The following DGKB variants were observed in gnomAD, a reference collection of about 807,000 sequenced individuals.
The protein encoded by DGKB is diacylglycerol kinase beta.
In DGKB, 67 loss-of-function variants were observed where a neutral mutation model predicts 114.3. That is an observed-to-expected ratio of 0.59 (90% CI 0.48 to 0.72). The LOEUF (loss-of-function observed/expected upper bound fraction) is 0.72. DGKB is among the 30% of genes least tolerant of loss of function. The pLI is 0.00. For missense variants in DGKB, 907 were observed against 975.2 expected, an observed-to-expected ratio of 0.93 and a Z score of 0.93; for synonymous variants, 398 against 323.1, an observed-to-expected ratio of 1.23 and a Z score of -2.49.
intron 2 of DGKB, among the ~76,000 whole-genome samples, chr7:14,767,717 T>A (rs572773551): frequency 1.6e-4 from 25 of 152,104 alleles, no homozygotes; most frequent in African/African-American, 5.8e-4. Context: ...TTGTGGGCAA[T>A]AGAATTAAAT....
intron 13 of DGKB, among the ~76,000 whole-genome samples, chr7:14,647,702 C>T (rs1017749111): frequency 7.9e-5 from 12 of 152,234 alleles, no homozygotes; most frequent in African/African-American, 1.9e-4. Flanking sequence ...ACGCAGAAGA[C>T]GGGTGATTTC....
chr7:14,309,090 C>G (rs1804946056), intron 23 of DGKB, among the ~76,000 whole-genome samples: 1 of 152,034 alleles, frequency 6.6e-6, no homozygotes, highest in Non-Finnish European at 1.5e-5. Flanking sequence ...ATGGTGCTTG[C>G]CTGTAGTCCC....
chr7:14,865,979 C>A (rs1428613988), intron 1 of DGKB, among the ~76,000 whole-genome samples: 1 of 151,948 alleles, frequency 6.6e-6, no homozygotes, highest in Non-Finnish European at 1.5e-5. Flanking sequence ...ACCAAAGACA[C>A]AGAGATGAAT....
chr7:14,944,928 A>G (rs2128256722), intron 1 of DGKB, among the ~76,000 whole-genome samples: 1 of 151,946 alleles, frequency 6.6e-6, no homozygotes, highest in South Asian at 2.1e-4. Context: ...TCTGGCGATA[A>G]TCATACCATA....
chr7:14,468,852 G>A (rs1780866049), intron 21 of DGKB, among the ~76,000 whole-genome samples: 2 of 151,872 alleles, frequency 1.3e-5, no homozygotes, highest in African/African-American at 4.8e-5. Context: ...AGAAGTATTT[G>A]TATGTGTGTG....
At chr7:14,856,020 C>CACACACACCA (rs3036255) in intron 1 of DGKB, among the ~76,000 whole-genome samples, 1,930 of 148,896 alleles carry the variant, frequency 0.013, 44 homozygotes, top group African/African-American at 0.046. Context: ...CACACACACA[C>CACACACACCA]ATAATTAACA....
intron 21 of DGKB, among the ~76,000 whole-genome samples, chr7:14,461,357 T>C (rs1584118667): frequency 6.7e-6 from 1 of 148,652 alleles, no homozygotes; most frequent in African/African-American, 2.5e-5. Flanking sequence ...AATAGACCAC[T>C]AGCCAGATGA....
chr7:14,363,281 A>C (rs1437179094), intron 21 of DGKB, among the ~76,000 whole-genome samples: 1 of 152,186 alleles, frequency 6.6e-6, no homozygotes, highest in Non-Finnish European at 1.5e-5. Context: ...ACACTGTGCT[A>C]AATACCACCT....
At chr7:14,657,356 A>G (rs1414987198) in intron 13 of DGKB, among the ~76,000 whole-genome samples, 1 of 151,860 alleles carries the variant, frequency 6.6e-6, no homozygotes, top group African/African-American at 2.4e-5. Context: ...TTTCCAAAAT[A>G]TGGAAAAATG....
chr7:14,469,447 A>T (rs1780951990), intron 21 of DGKB, among the ~76,000 whole-genome samples: 1 of 152,108 alleles, frequency 6.6e-6, no homozygotes, highest in South Asian at 2.1e-4. Flanking sequence ...GGTGTGAAAG[A>T]AGAAAGAGAG....
At chr7:14,665,081 A>G (rs536122034) in intron 13 of DGKB, among the ~76,000 whole-genome samples, 1 of 152,022 alleles carries the variant, frequency 6.6e-6, no homozygotes, top group Non-Finnish European at 1.5e-5. Context: ...CTTCAACTTT[A>G]AATAATCAGC....
At chr7:14,443,919 G>A (rs970116407) in intron 21 of DGKB, among the ~76,000 whole-genome samples, 1 of 151,280 alleles carries the variant, frequency 6.6e-6, no homozygotes, top group Non-Finnish European at 1.5e-5. Context: ...GATTCTAATC[G>A]CATGCTTCTC....
At chr7:14,546,756 G>C (rs923906959) in intron 20 of DGKB, among the ~76,000 whole-genome samples, 2 of 152,176 alleles carry the variant, frequency 1.3e-5, no homozygotes, top group East Asian at 3.8e-4. Context: ...TGCAACAAGT[G>C]ATATGGCATT....
chr7:14,689,471 G>A (rs1166546271), intron 9 of DGKB, among the ~76,000 whole-genome samples: 1 of 151,998 alleles, frequency 6.6e-6, no homozygotes, highest in Non-Finnish European at 1.5e-5. Context: ...GCGCCCGGCC[G>A]AAACTTCTCT....
chr7:14,656,751 T>TACACACACACACACAC (rs10623353), intron 13 of DGKB, among the ~76,000 whole-genome samples: 31 of 127,708 alleles, frequency 2.4e-4, no homozygotes, highest in Non-Finnish European at 3.7e-4. Context: ...ATATAGGATA[T>TACACACACACACACAC]ATACACACAC....
At chr7:14,207,044 C>T (rs1473287901) in intron 23 of DGKB, among the ~76,000 whole-genome samples, 1 of 152,056 alleles carries the variant, frequency 6.6e-6, no homozygotes, top group Non-Finnish European at 1.5e-5. Context: ...TACTGTTTCT[C>T]TTACTGGGAG....
intron 21 of DGKB, among the ~76,000 whole-genome samples, chr7:14,373,695 G>C (rs1401596099): frequency 6.6e-6 from 1 of 151,964 alleles, no homozygotes; most frequent in African/African-American, 2.4e-5. Context: ...CATATTCTCT[G>C]ACTCCTCCAA....
chr7:14,658,376 C>A (rs1051620666), intron 13 of DGKB, among the ~76,000 whole-genome samples: 1 of 151,700 alleles, frequency 6.6e-6, no homozygotes, highest in Non-Finnish European at 1.5e-5. Context: ...TAATTCCATG[C>A]GGGTAGAGAG....
At chr7:14,710,056 C>G (rs1441919984) in intron 6 of DGKB, among the ~76,000 whole-genome samples, 2 of 150,686 alleles carry the variant, frequency 1.3e-5, no homozygotes, top group African/African-American at 4.9e-5. Flanking sequence ...AAAAACAAAC[C>G]AAAATAACAC....
Sources: gnomAD v4.1 joint callset for allele counts (sites outside exome capture counted in the v4.1 genomes callset) on GRCh38, gnomAD v4.1.1 for gene constraint, MANE v1.5 for transcripts, NCBI Gene and HGNC (gene_info 2026-07-23, HGNC 2026-07-21) for gene names.